Variants in PUS7 observed in about 807,000 individuals in gnomAD.
PUS7 encodes pseudouridine synthase 7.
A neutral mutation model predicts 79.8 loss-of-function variants in PUS7; 48 were observed. That is an observed-to-expected ratio of 0.60 (90% confidence interval 0.48 to 0.76). The LOEUF is 0.76. PUS7 is among the 30% of genes least tolerant of loss of function. The pLI, the probability that PUS7 is intolerant of heterozygous loss-of-function variation, is 0.00. For missense variants in PUS7, 729 were observed against 797.6 expected, an observed-to-expected ratio of 0.91 and a Z score of 1.04; for synonymous variants, 286 against 272.2, an observed-to-expected ratio of 1.05 and a Z score of -0.50.
intron 1 of PUS7, among the ~76,000 whole-genome samples, chr7:105,510,521 AT>A (rs972841655): frequency 2.7e-5 from 4 of 149,500 alleles, no homozygotes; most frequent in Admixed American, 6.7e-5. Flanking sequence ...GCAAATTTTA[AT>A]TTTTTTTTTG....
intron 4 of PUS7, among the ~76,000 whole-genome samples, chr7:105,505,734 GT>G (rs1162008038): frequency 6.6e-6 from 1 of 152,030 alleles, no homozygotes; most frequent in Non-Finnish European, 1.5e-5. Flanking sequence ...AAATAAAAAT[GT>G]TTTTAAACAA....
intron 11 of PUS7, 55 bp from the exon 12 acceptor site, chr7:105,468,518 T>C (rs1216108042): frequency 6.7e-7 from 1 of 1,489,532 alleles, no homozygotes; most frequent in Non-Finnish European, 9.1e-7. Context: ...TAAAAAGTGC[T>C]GTACTTTTTT....
chr7:105,511,011 A>C (rs550826876), intron 1 of PUS7, among the ~76,000 whole-genome samples: 6 of 151,894 alleles, frequency 4.0e-5, no homozygotes, highest in Non-Finnish European at 7.4e-5. Context: ...GCAAAATAAT[A>C]ATGATGATTA....
chr7:105,520,180 CGG>C (rs924746600), intron 1 of PUS7, among the ~76,000 whole-genome samples: 2 of 152,124 alleles, frequency 1.3e-5, no homozygotes, highest in Admixed American at 1.3e-4. Flanking sequence ...AAAAATTAGG[CGG>C]GGCGCGGTGG....
chr7:105,492,135 C>T (rs1330011293), intron 6 of PUS7, among the ~76,000 whole-genome samples: 1 of 151,500 alleles, frequency 6.6e-6, no homozygotes, highest in Non-Finnish European at 1.5e-5. Context: ...GGTGTGGTGG[C>T]ATGCACCTAC....
rs889067694 is a variant in PUS7 at position 105,501,242 on chromosome 7, AG to A, written c.730+1177del. 3.9e-5 allele frequency among the ~76,000 whole-genome samples: 6 copies of A among 152,346 alleles called. No individual in the cohort carries two copies. In the East Asian group the frequency reaches 1.2e-3, roughly 29 times the overall value. On this transcript the variant is annotated intron_variant, in intron 5 of 15. Coordinates refer to ENST00000469408, the MANE Select transcript of PUS7 (RefSeq NM_019042.5). ...ACTGACAGAGCCCTAATAAATAAAC[AG>A]TTTTTTGTTATATGGTCTTAGAATT... is the stretch of plus-strand genomic sequence containing the variant.
Position 105,464,387 on chromosome 7 carries a change from C to T in PUS7, c.1627+926G>A, listed in dbSNP as rs115642738. Among the ~76,000 whole-genome samples the T allele has an allele frequency of 7.9e-3, 1,200 of 152,186 alleles. 17 individuals carry two copies. Among genetic ancestry groups the T allele is most frequent in the African/African-American group, 0.028 (1,158 of 41,528 alleles). The stretch of plus-strand genomic sequence containing the variant: ...AGTGACCGGACTGTGCCAGCTGTGT[C>T]GGTGAGGGTGTTTCTAGAGAAGACT... On this transcript the variant is annotated intron_variant, in intron 13 of 15. Coordinates refer to ENST00000469408, the MANE Select transcript of PUS7 (RefSeq NM_019042.5).
At chr7:105,474,269 T>C (rs953764692) in intron 9 of PUS7, among the ~76,000 whole-genome samples, 1 of 152,212 alleles carries the variant, frequency 6.6e-6, no homozygotes, top group African/African-American at 2.4e-5. Flanking sequence ...AATCCAATAA[T>C]GTAATTACAT....
chr7:105,465,234 C>A, intron 13 of PUS7, 79 bp downstream of exon 13: 1 of 1,046,742 alleles, frequency 9.6e-7, no homozygotes, highest in Non-Finnish European at 1.4e-6. Context: ...CATAAATAAC[C>A]AAAGTTTATA....
chr7:105,469,569 C>T (rs902764559), intron 11 of PUS7, among the ~76,000 whole-genome samples: 1 of 152,212 alleles, frequency 6.6e-6, no homozygotes, highest in African/African-American at 2.4e-5. Context: ...AAGCGATTCT[C>T]CTGCCTCAGT....
intron 6 of PUS7, among the ~76,000 whole-genome samples, chr7:105,492,095 T>C (rs1185205453): frequency 2.0e-5 from 3 of 149,086 alleles, no homozygotes; most frequent in Non-Finnish European, 4.5e-5. Context: ...CATAAATTCA[T>C]ATGCAAGCTA....
chr7:105,501,071 C>T (rs948969129), intron 5 of PUS7, among the ~76,000 whole-genome samples: 4 of 152,162 alleles, frequency 2.6e-5, no homozygotes, highest in African/African-American at 7.2e-5. Context: ...GACTTGCTGC[C>T]TTGACTAGAT....
At chr7:105,472,029 G>T in intron 10 of PUS7, 103 bp downstream of exon 10, 1 of 685,990 alleles carries the variant, frequency 1.5e-6, no homozygotes, top group Non-Finnish European at 2.5e-6. Context: ...ATAAAATACT[G>T]AAACAACAAC....
At chr7:105,463,715 G>C (rs1019971495) in intron 13 of PUS7, among the ~76,000 whole-genome samples, 2 of 150,772 alleles carry the variant, frequency 1.3e-5, no homozygotes, top group Non-Finnish European at 2.9e-5. Context: ...ACTTTTGCTA[G>C]CCTTCTACTC....
rs766014638 is a variant in PUS7, at chr7:105,457,739, C to A, written c.*51G>T. On this transcript the variant is annotated 3_prime_UTR_variant, in exon 16 of 16. Coordinates refer to ENST00000469408, the MANE Select transcript of PUS7 (RefSeq NM_019042.5). ...AACTAAGACAAAAATGCACAGGGAG[C>A]CAGGAAGCAAACACTTGTGTACGTT... is the stretch of plus-strand genomic sequence containing the variant. The A allele has an allele frequency of 1.9e-6, 3 of 1,580,316 alleles. No individual in the cohort carries two copies. The highest frequency in any genetic ancestry group is 2.3e-5 in the East Asian group (1 of 43,814).
At chr7:105,516,909 G>A (rs1173303890) in intron 1 of PUS7, among the ~76,000 whole-genome samples, 1 of 152,034 alleles carries the variant, frequency 6.6e-6, no homozygotes, top group Non-Finnish European at 1.5e-5. Context: ...AGTCAGGAAA[G>A]CCCAAGCATT....
chr7:105,476,389 C>T (rs921435424), intron 9 of PUS7, among the ~76,000 whole-genome samples: 7 of 151,996 alleles, frequency 4.6e-5, no homozygotes, highest in African/African-American at 1.2e-4. Flanking sequence ...GACAGAGTCT[C>T]GCTCTGTTGC....
intron 9 of PUS7, among the ~76,000 whole-genome samples, chr7:105,474,278 A>T (rs1260219054): frequency 6.6e-6 from 1 of 152,198 alleles, no homozygotes; most frequent in Non-Finnish European, 1.5e-5. Context: ...ATGTAATTAC[A>T]TCAACAGATT....
At chr7:105,496,220 T>TAGAGAGAG (rs1350234352) in intron 5 of PUS7, among the ~76,000 whole-genome samples, 120 of 83,278 alleles carry the variant, frequency 1.4e-3, no homozygotes, top group Admixed American at 3.0e-3. Context: ...TATATATATA[T>TAGAGAGAG]ATATATAGAG....
Sources: allele counts gnomAD v4.1 joint callset (sites outside exome capture counted in the v4.1 genomes callset), GRCh38; gene constraint gnomAD v4.1.1; transcripts MANE v1.5; gene names NCBI Gene and HGNC (gene_info 2026-07-23, HGNC 2026-07-21).